KCNK3: variants seen among roughly 807,000 people sequenced by gnomAD.
KCNK3 encodes the protein potassium two pore domain channel subfamily K member 3.
KCNK3 carries 9 observed loss-of-function variants against 27.3 expected under a neutral mutation model. The observed-to-expected ratio is 0.33, with a 90% CI of 0.20 to 0.57. The LOEUF (loss-of-function observed/expected upper bound fraction) is 0.57. Among genes scored for constraint, KCNK3 ranks in the 20% least tolerant of loss-of-function variants. The pLI is 0.87. For synonymous variants in KCNK3, 278 were observed against 273.8 expected, an observed-to-expected ratio of 1.02 and a Z score of -0.15; for missense variants, 391 against 577.7, an observed-to-expected ratio of 0.68 and a Z score of 3.31.
intron 1 of KCNK3, among the ~76,000 whole-genome samples, chr2:26,714,259 G>C (rs1213088954): frequency 2.6e-5 from 4 of 151,686 alleles, no homozygotes; most frequent in African/African-American, 9.7e-5. Context: ...GTGGGTGGAG[G>C]GGAAGCAGCA....
intron 1 of KCNK3, among the ~76,000 whole-genome samples, chr2:26,710,973 G>A (rs1280859911): frequency 6.6e-6 from 1 of 152,186 alleles, no homozygotes; most frequent in Non-Finnish European, 1.5e-5. Flanking sequence ...CTTCCCAGGT[G>A]CCTGTGCCAA....
rs1663554574 is a variant in KCNK3 at position 26,732,240 on chromosome 2, T to C, written c.*3672T>C. The C allele has an allele frequency of 6.6e-6, 1 of 152,258 alleles. No homozygotes were observed. Among genetic ancestry groups the C allele is most frequent in the East Asian group, 1.9e-4 (1 of 5,196 alleles). 9.4% of individuals were successfully genotyped at this position (152,258 alleles called of 1,614,324 possible). A position where few individuals can be genotyped will look rare whatever the true frequency, so the allele number is the denominator to read the frequency against. ...ACAGCTCTGTACCTATCTAGCTCCATGCCTATCTATCTGCCTACCTTTCAC... is the reference window on the plus strand; with the variant it reads ...ACAGCTCTGTACCTATCTAGCTCCACGCCTATCTATCTGCCTACCTTTCAC... On this transcript the variant is annotated 3_prime_UTR_variant, in exon 2 of 2. Coordinates refer to ENST00000302909, the MANE Select transcript of KCNK3 (RefSeq NM_002246.3).
intron 1 of KCNK3, among the ~76,000 whole-genome samples, chr2:26,719,977 G>A (rs577847486): frequency 1.3e-5 from 2 of 152,290 alleles, no homozygotes; most frequent in East Asian, 1.9e-4. Flanking sequence ...TAAAATGAGT[G>A]GGGGGAAGGG....
chr2:26,723,542 T>C (rs529097983), intron 1 of KCNK3, among the ~76,000 whole-genome samples: 14 of 152,202 alleles, frequency 9.2e-5, no homozygotes, highest in Non-Finnish European at 1.8e-4. Context: ...CATGATTGAA[T>C]GAAGAGGCCC....
chr2:26,720,251 T>A (rs1030208147), intron 1 of KCNK3, among the ~76,000 whole-genome samples: 1 of 152,132 alleles, frequency 6.6e-6, no homozygotes, highest in Admixed American at 6.5e-5. Flanking sequence ...CGAGATTCCG[T>A]CTCAAAGAAA....
At chr2:26,702,352 G>T (rs1670318676) in intron 1 of KCNK3, among the ~76,000 whole-genome samples, 1 of 152,192 alleles carries the variant, frequency 6.6e-6, no homozygotes, top group South Asian at 2.1e-4. Flanking sequence ...TTTAAAAGGG[G>T]CATCAACAAC....
intron 1 of KCNK3, among the ~76,000 whole-genome samples, chr2:26,709,187 T>C (rs1663053935): frequency 1.3e-5 from 2 of 152,192 alleles, no homozygotes; most frequent in Admixed American, 6.5e-5. Context: ...AATTTTGAGA[T>C]GCTCATTTCA....
Position 26,729,831 on chromosome 2 carries a change from G to C in KCNK3, c.*1263G>C, listed in dbSNP as rs1434610824. Reference sequence around the variant, plus strand: ...AGCCTGGGTGACAGGGCAAGACCCTGTCTCAAAAAAAAAAAAAAAAATGGC... The same window carrying C: ...AGCCTGGGTGACAGGGCAAGACCCTCTCTCAAAAAAAAAAAAAAAAATGGC... On this transcript the variant is annotated 3_prime_UTR_variant, in exon 2 of 2. Coordinates refer to ENST00000302909, the MANE Select transcript of KCNK3 (RefSeq NM_002246.3). 4.5e-5 allele frequency: 2 copies of C among 44,030 alleles called. No individual in the cohort carries two copies. The highest frequency in any genetic ancestry group is 5.0e-5 in the Non-Finnish European group (1 of 20,080). The allele number at this position is 44,030 out of a possible 1,614,324, so 2.7% of individuals were successfully genotyped here.
chr2:26,720,720 T>C (rs1572612664), intron 1 of KCNK3, among the ~76,000 whole-genome samples: 1 of 147,760 alleles, frequency 6.8e-6, no homozygotes, highest in Non-Finnish European at 1.5e-5. Flanking sequence ...CTGGGGGTAG[T>C]GGGGGGAAGA....
At chr2:26,722,315 T>G in intron 1 of KCNK3, among the ~76,000 whole-genome samples, 1 of 152,240 alleles carries the variant, frequency 6.6e-6, no homozygotes, top group Non-Finnish European at 1.5e-5. Flanking sequence ...ACACTGATCA[T>G]AGAATGTTGG....
chr2:26,704,209 G>A (rs1425274103), intron 1 of KCNK3, among the ~76,000 whole-genome samples: 1 of 152,144 alleles, frequency 6.6e-6, no homozygotes, highest in Non-Finnish European at 1.5e-5. Flanking sequence ...CTGGGCCAAA[G>A]TTCCACTCTG....
At chr2:26,704,289 T>A (rs903203949) in intron 1 of KCNK3, among the ~76,000 whole-genome samples, 1 of 152,184 alleles carries the variant, frequency 6.6e-6, no homozygotes, top group Non-Finnish European at 1.5e-5. Context: ...CTGAAGATGA[T>A]GCTGCCATCC....
rs1293020778 is a variant in KCNK3, at chr2:26,731,972, G to C, written c.*3404G>C. On this transcript the variant is annotated 3_prime_UTR_variant, in exon 2 of 2. Coordinates refer to ENST00000302909, the MANE Select transcript of KCNK3 (RefSeq NM_002246.3). ...AATGGATTCCTTCTCCTGCAGTAGGGGCCCCCTGGCTGAGTGGCCTGATTG... is the reference window on the plus strand; with the variant it reads ...AATGGATTCCTTCTCCTGCAGTAGGCGCCCCCTGGCTGAGTGGCCTGATTG... The C allele has an allele frequency of 2.6e-5, 4 of 152,220 alleles. No homozygotes were observed. In the East Asian group the frequency reaches 7.7e-4, roughly 29 times the overall value. The allele number at this position is 152,220 out of a possible 1,614,324, so 9.4% of individuals were successfully genotyped here.
Position 26,728,256 on chromosome 2 carries a change from G to GGGC in KCNK3, c.883_885dup (p.Gly295dup). 6.3e-7 allele frequency: 1 copy of GGGC among 1,582,928 alleles called. No individual in the cohort carries two copies. Among genetic ancestry groups the GGGC allele is most frequent in the South Asian group, 1.1e-5 (1 of 87,616 alleles). On this transcript the variant is annotated inframe_insertion, in exon 2 of 2. Coordinates refer to ENST00000302909, the MANE Select transcript of KCNK3 (RefSeq NM_002246.3). ...ACACCGCCTCATCCACGGCGGCAGC[G>GGGC]GGCGGCGGCGGCTTCCGCAACGTCT...
At chr2:26,699,570 T>C (rs1670282102) in intron 1 of KCNK3, among the ~76,000 whole-genome samples, 1 of 152,188 alleles carries the variant, frequency 6.6e-6, no homozygotes, top group African/African-American at 2.4e-5. Context: ...GTTGATTTTG[T>C]AATTAAAAAA....
intron 1 of KCNK3, among the ~76,000 whole-genome samples, chr2:26,719,855 G>A (rs2148266575): frequency 6.6e-6 from 1 of 152,332 alleles, no homozygotes; most frequent in East Asian, 1.9e-4. Flanking sequence ...CTGCAGCATA[G>A]GGCAGTAAAA....
At chr2:26,725,355 C>T (rs1663397318) in intron 1 of KCNK3, among the ~76,000 whole-genome samples, 1 of 152,200 alleles carries the variant, frequency 6.6e-6, no homozygotes, top group Non-Finnish European at 1.5e-5. Context: ...ATAGCTCTAG[C>T]TCAATCTTCC....
At chr2:26,716,288 C>G (rs1399237167) in intron 1 of KCNK3, among the ~76,000 whole-genome samples, 1 of 152,230 alleles carries the variant, frequency 6.6e-6, no homozygotes, top group African/African-American at 2.4e-5. Context: ...CTCTAAAGGA[C>G]AGCAATGCAA....
intron 1 of KCNK3, 114 bp from the exon 2 acceptor site, chr2:26,727,553 G>T: frequency 7.1e-7 from 1 of 1,414,070 alleles, no homozygotes. Context: ...CATCACTGTG[G>T]ACCCAGACCC....
Sources: gnomAD v4.1 joint callset for allele counts (sites outside exome capture counted in the v4.1 genomes callset) on GRCh38, gnomAD v4.1.1 for gene constraint, MANE v1.5 for transcripts, NCBI Gene and HGNC (gene_info 2026-07-23, HGNC 2026-07-21) for gene names.